RANBP17: variants seen among roughly 807,000 people sequenced by gnomAD.
The protein encoded by RANBP17 is RAN binding protein 17.
In RANBP17, 158 loss-of-function variants were observed where a neutral mutation model predicts 141.2. That is an observed-to-expected ratio of 1.12 (90% confidence interval 0.98 to 1.28). The LOEUF is 1.28. Among genes scored for constraint, RANBP17 ranks in the 50% most tolerant of loss-of-function variants. The pLI, the probability that RANBP17 is intolerant of heterozygous loss-of-function variation, is 0.00. For synonymous variants in RANBP17, 430 were observed against 450.0 expected (o/e 0.96, Z 0.56); for missense variants, 1,438 against 1,290.7 (o/e 1.11, Z -1.75).
intron 14 of RANBP17, among the ~76,000 whole-genome samples, chr5:171,011,495 A>G (rs915332419): frequency 6.6e-5 from 10 of 151,896 alleles, no homozygotes; most frequent in African/African-American, 1.2e-4. Context: ...TTCCAATGAC[A>G]TATTTTGGAA....
At chr5:171,039,910 TC>T (rs748829713) in intron 14 of RANBP17, among the ~76,000 whole-genome samples, 1 of 152,016 alleles carries the variant, frequency 6.6e-6, no homozygotes, top group Non-Finnish European at 1.5e-5. Context: ...AAGCCGCAGA[TC>T]AGATGGATTC....
At chr5:171,066,156 C>T (rs1205484578) in intron 14 of RANBP17, among the ~76,000 whole-genome samples, 9 of 151,988 alleles carry the variant, frequency 5.9e-5, no homozygotes, top group Admixed American at 5.9e-4. Flanking sequence ...GCAACTGCAC[C>T]CGGCTGTGTT....
At chr5:171,243,578 A>C (rs950829471) in intron 24 of RANBP17, among the ~76,000 whole-genome samples, 1 of 152,154 alleles carries the variant, frequency 6.6e-6, no homozygotes, top group Non-Finnish European at 1.5e-5. Context: ...GTGTATTTTT[A>C]ACATTATAAG....
chr5:171,062,551 C>G (rs1484024123), intron 14 of RANBP17, among the ~76,000 whole-genome samples: 2 of 152,184 alleles, frequency 1.3e-5, no homozygotes, highest in Non-Finnish European at 2.9e-5. Context: ...ATGGGCTTCC[C>G]TTTGAGGGTA....
chr5:171,150,933 T>G (rs1331212576), intron 14 of RANBP17, among the ~76,000 whole-genome samples: 1 of 152,234 alleles, frequency 6.6e-6, no homozygotes, highest in African/African-American at 2.4e-5. Flanking sequence ...GTCCGCTGCT[T>G]TTGTGTTTTG....
At chr5:171,140,985 T>C (rs984744792) in intron 14 of RANBP17, among the ~76,000 whole-genome samples, 5 of 152,212 alleles carry the variant, frequency 3.3e-5, no homozygotes, top group Non-Finnish European at 7.4e-5. Flanking sequence ...AGAAACTATC[T>C]TTGGCTGTTT....
intron 14 of RANBP17, among the ~76,000 whole-genome samples, chr5:171,050,748 T>A (rs182347158): frequency 6.6e-6 from 1 of 152,308 alleles, no homozygotes; most frequent in Admixed American, 6.5e-5. Flanking sequence ...CTACCCTTTC[T>A]GTTTTCTTTC....
chr5:171,181,497 G>C (rs906152956), intron 16 of RANBP17, among the ~76,000 whole-genome samples: 2 of 151,746 alleles, frequency 1.3e-5, no homozygotes, highest in East Asian at 3.9e-4. Context: ...CACCTGCTGA[G>C]AGCAGTGCAA....
intron 14 of RANBP17, among the ~76,000 whole-genome samples, chr5:171,034,425 G>A (rs1280771323): frequency 1.3e-5 from 2 of 152,160 alleles, no homozygotes; most frequent in African/African-American, 4.8e-5. Flanking sequence ...GCTTACCAAA[G>A]AACTGCAATG....
At chr5:171,296,888 G>C (rs1053610690) in intron 27 of RANBP17, among the ~76,000 whole-genome samples, 1 of 152,152 alleles carries the variant, frequency 6.6e-6, no homozygotes, top group Non-Finnish European at 1.5e-5. Flanking sequence ...ACTCCAGCCT[G>C]GGCAACAGAG....
intron 14 of RANBP17, among the ~76,000 whole-genome samples, chr5:171,005,269 A>C (rs1168979861): frequency 6.6e-6 from 1 of 152,218 alleles, no homozygotes; most frequent in Non-Finnish European, 1.5e-5. Flanking sequence ...GAACCAAAAA[A>C]GAGCCTGCAT....
At chr5:170,868,516 C>T (rs1003825720) in intron 1 of RANBP17, among the ~76,000 whole-genome samples, 2 of 152,276 alleles carry the variant, frequency 1.3e-5, no homozygotes, top group African/African-American at 4.8e-5. Flanking sequence ...AAACAGTTCA[C>T]CCACCTTGGC....
At chr5:170,862,421 C>T (rs763522900) in intron 1 of RANBP17, among the ~76,000 whole-genome samples, 2 of 152,190 alleles carry the variant, frequency 1.3e-5, no homozygotes, top group East Asian at 1.9e-4. Flanking sequence ...CTTTGGCGCG[C>T]CTCGCGCGGC....
At chr5:171,262,370 G>C (rs990366972) in intron 24 of RANBP17, among the ~76,000 whole-genome samples, 2 of 152,194 alleles carry the variant, frequency 1.3e-5, no homozygotes, top group Non-Finnish European at 2.9e-5. Context: ...CTACATCCCA[G>C]AGTTGTAAAA....
Position 170,964,793 on chromosome 5 carries a change from A to G in RANBP17, c.1575-3449A>G, listed in dbSNP as rs1248524393. The stretch of plus-strand genomic sequence containing the variant: ...GTGCCACATTTTCTTAATCCAGTCT[A>G]TCATTGTTGGACATTTGGGTTGGTT... On this transcript the variant is annotated intron_variant, in intron 13 of 27. Transcript: ENST00000523189. Among the ~76,000 whole-genome samples, 15 of 152,334 alleles carry G rather than the reference A, an allele frequency of 9.8e-5. 1 individual carries two copies. In the South Asian group the frequency reaches 1.9e-3, roughly 19 times the overall value.
chr5:171,201,180 G>A (rs1019274654), intron 19 of RANBP17, among the ~76,000 whole-genome samples: 8 of 152,140 alleles, frequency 5.3e-5, no homozygotes, highest in Admixed American at 2.6e-4. Context: ...TTTTAATGGA[G>A]TTCCAGTGAT....
At chr5:170,890,456 T>A (rs990693412) in intron 3 of RANBP17, among the ~76,000 whole-genome samples, 5 of 152,200 alleles carry the variant, frequency 3.3e-5, no homozygotes, top group Non-Finnish European at 7.4e-5. Flanking sequence ...TAATAAAAAT[T>A]AAGGTTGAAG....
At chr5:170,963,719 C>G (rs1776312014) in intron 13 of RANBP17, among the ~76,000 whole-genome samples, 3 of 152,206 alleles carry the variant, frequency 2.0e-5, no homozygotes, top group African/African-American at 7.2e-5. Context: ...GGCGATAATG[C>G]TTGCTTGCTC....
At chr5:171,260,498 C>T (rs79281656) in intron 24 of RANBP17, among the ~76,000 whole-genome samples, 9,499 of 147,144 alleles carry the variant, frequency 0.065, 410 homozygotes, top group East Asian at 0.12. Context: ...ATAACAGAGA[C>T]GAAAAGGTGA....
Sources: allele counts gnomAD v4.1 joint callset (sites outside exome capture counted in the v4.1 genomes callset), GRCh38; gene constraint gnomAD v4.1.1; transcripts MANE v1.5; gene names NCBI Gene and HGNC (gene_info 2026-07-23, HGNC 2026-07-21).